The following GPHN variants were observed in gnomAD, a reference collection of about 807,000 sequenced individuals.
GPHN encodes the protein gephyrin.
A neutral mutation model predicts 95.5 loss-of-function variants in GPHN; 17 were observed. That is an observed-to-expected ratio of 0.18 (90% CI 0.12 to 0.27). The LOEUF (loss-of-function observed/expected upper bound fraction) is 0.27, where lower values mean the gene tolerates loss of function less well. GPHN is among the 10% of genes least tolerant of loss of function. GPHN has a pLI of 1.00. For missense variants in GPHN, 660 were observed against 978.1 expected (o/e 0.67, Z 4.34); for synonymous variants, 320 against 322.5 (o/e 0.99, Z 0.08).
the GPHN span, among the ~76,000 whole-genome samples, chr14:67,568,441 T>A: frequency 6.6e-6 from 1 of 151,950 alleles, no homozygotes; most frequent in South Asian, 2.1e-4. Context: ...GTGGGGCCTG[T>A]CAGTGGATGG....
At chr14:66,834,463 G>A (rs907951979) in intron 4 of GPHN, among the ~76,000 whole-genome samples, 1 of 152,056 alleles carries the variant, frequency 6.6e-6, no homozygotes, top group Admixed American at 6.5e-5. Flanking sequence ...TTTTTAATAT[G>A]AAAGTTGTTG....
intron 1 of GPHN, among the ~76,000 whole-genome samples, chr14:66,572,102 C>A (rs551005457): frequency 1.3e-5 from 2 of 152,256 alleles, no homozygotes; most frequent in South Asian, 4.1e-4. Context: ...CTCTTCTATT[C>A]TATTTGTCTA....
chr14:67,644,521 A>G, the GPHN span, among the ~76,000 whole-genome samples: 1 of 152,172 alleles, frequency 6.6e-6, no homozygotes, highest in Non-Finnish European at 1.5e-5. Flanking sequence ...ATTGACCAAG[A>G]AGGATGGTTG....
At chr14:66,818,805 A>G (rs1315305366) in intron 3 of GPHN, among the ~76,000 whole-genome samples, 1 of 152,006 alleles carries the variant, frequency 6.6e-6, no homozygotes, top group Non-Finnish European at 1.5e-5. Context: ...CTTGCATGAG[A>G]TGATATCTCG....
the GPHN span, among the ~76,000 whole-genome samples, chr14:67,502,879 A>G: frequency 3.9e-5 from 6 of 152,204 alleles, no homozygotes; most frequent in African/African-American, 1.2e-4. Flanking sequence ...GGGTCCTGAA[A>G]TGTATTAAGA....
the GPHN span, among the ~76,000 whole-genome samples, chr14:67,393,524 GCTAA>G: frequency 6.6e-6 from 1 of 152,130 alleles, no homozygotes; most frequent in African/African-American, 2.4e-5. Flanking sequence ...CAAGATCTCG[GCTAA>G]CTGTGACCTC....
the GPHN span, among the ~76,000 whole-genome samples, chr14:67,522,397 T>A: frequency 6.6e-6 from 1 of 152,186 alleles, no homozygotes; most frequent in East Asian, 1.9e-4. Context: ...TTTGCCAGGA[T>A]ACAAGAAGCT....
At chr14:67,080,977 A>G (rs1198788071) in intron 11 of GPHN, among the ~76,000 whole-genome samples, 2 of 152,166 alleles carry the variant, frequency 1.3e-5, no homozygotes, top group Admixed American at 1.3e-4. Context: ...TCTGTGGTAT[A>G]CATATACCAC....
the GPHN span, chr14:67,651,332 T>G: frequency 6.2e-7 from 1 of 1,611,480 alleles, no homozygotes; most frequent in Non-Finnish European, 8.5e-7. Flanking sequence ...ATCCCTAACA[T>G]CATGCATTCA....
chr14:67,408,956 T>C, the GPHN span, among the ~76,000 whole-genome samples: 66 of 151,598 alleles, frequency 4.4e-4, 1 homozygote, highest in East Asian at 0.013. Context: ...GCCAGGCGCC[T>C]ATAATCCCAG....
At chr14:66,897,393 T>C (rs2064906955) in intron 5 of GPHN, among the ~76,000 whole-genome samples, 1 of 152,132 alleles carries the variant, frequency 6.6e-6, no homozygotes, top group East Asian at 1.9e-4. Context: ...ATTCTATTTC[T>C]AGTTTTATGA....
chr14:66,579,922 A>C (rs1339475870), intron 1 of GPHN, among the ~76,000 whole-genome samples: 1 of 151,844 alleles, frequency 6.6e-6, no homozygotes, highest in Non-Finnish European at 1.5e-5. Context: ...TGGAACACAC[A>C]TCCTTCTTAA....
chr14:67,096,640 G>A (rs2077407746), intron 12 of GPHN, among the ~76,000 whole-genome samples: 1 of 144,258 alleles, frequency 6.9e-6, no homozygotes, highest in Non-Finnish European at 1.5e-5. Context: ...TTTTGAGACA[G>A]GATCTCGCTA....
At chr14:67,578,169 C>T in the GPHN span, 1 of 1,613,914 alleles carries the variant, frequency 6.2e-7, no homozygotes, top group Non-Finnish European at 8.5e-7. This position sits in a 1 kb window ranked among gnomAD's most constrained non-coding sequence, Gnocchi z 5.0. Flanking sequence ...AGACCAGCTG[C>T]CGCCCACCTC....
the GPHN span, chr14:67,591,794 C>T: frequency 6.6e-6 from 1 of 150,886 alleles, no homozygotes; most frequent in Non-Finnish European, 1.5e-5. Context: ...CAGCCTCCCC[C>T]ACAGTGTTGG....
At chr14:67,176,382 T>C (rs1056672269) in intron 21 of GPHN, among the ~76,000 whole-genome samples, 6 of 152,216 alleles carry the variant, frequency 3.9e-5, no homozygotes, top group Non-Finnish European at 5.9e-5. Flanking sequence ...ATTACGTCTA[T>C]TGATTTGCAT....
chr14:66,865,225 T>C (rs1473379213), intron 4 of GPHN, among the ~76,000 whole-genome samples: 1 of 151,996 alleles, frequency 6.6e-6, no homozygotes, highest in Non-Finnish European at 1.5e-5. Context: ...AATTTAATTA[T>C]ATATTTTTAA....
intron 1 of GPHN, among the ~76,000 whole-genome samples, chr14:66,609,826 C>G (rs1034008202): frequency 1.4e-4 from 22 of 152,076 alleles, no homozygotes; most frequent in African/African-American, 5.1e-4. Flanking sequence ...TGTCTTTCAG[C>G]TCTTGGATAG....
At chr14:66,692,422 G>T (rs1206397104) in intron 2 of GPHN, among the ~76,000 whole-genome samples, 1 of 152,088 alleles carries the variant, frequency 6.6e-6, no homozygotes, top group Non-Finnish European at 1.5e-5. Flanking sequence ...TGTTAGACAT[G>T]CTGAGTAATT....
Sources: gnomAD v4.1 joint callset for allele counts (sites outside exome capture counted in the v4.1 genomes callset) on GRCh38, gnomAD v4.1.1 for gene constraint, Gnocchi (gnomAD v3.1) non-coding constraint, MANE v1.5 for transcripts, NCBI Gene and HGNC (gene_info 2026-07-23, HGNC 2026-07-21) for gene names.